Variants in GNL2 observed in about 807,000 individuals in gnomAD.
GNL2 encodes G protein nucleolar 2, also known as nucleolar GTP-binding protein 2.
GNL2 carries 51 observed loss-of-function variants against 92.3 expected under a neutral mutation model. The ratio of observed to expected loss-of-function variants is 0.55; its 90% confidence interval spans 0.44 to 0.70. GNL2 has a LOEUF of 0.70. Among genes scored for constraint, GNL2 ranks in the 30% least tolerant of loss-of-function variants. The pLI, the probability that GNL2 is intolerant of heterozygous loss-of-function variation, is 0.00. For missense variants in GNL2, 844 were observed against 895.6 expected (o/e 0.94, Z 0.74); for synonymous variants, 283 against 300.6 (o/e 0.94, Z 0.61).
intron 4 of GNL2, 88 bp from the exon 5 acceptor site, chr1:37,587,583 G>A: frequency 1.2e-6 from 1 of 832,358 alleles, no homozygotes; most frequent in Non-Finnish European, 1.9e-6. Flanking sequence ...AAGACTTTCT[G>A]ATTTTATTTT....
In GNL2 at chr1:37,582,879, T is replaced by A; in HGVS notation, c.694A>T (p.Thr232Ser). Reference sequence around the variant, plus strand: ...TAAGTTTCAATGTGAGGGGAACGAGTACCCATTGGATCTCTAGCATCAAGA... The same window carrying A: ...TAAGTTTCAATGTGAGGGGAACGAGAACCCATTGGATCTCTAGCATCAAGA... ...QVLDARDPMGTRSPHIETYLK... is the reference protein window; with the variant it reads ...QVLDARDPMGSRSPHIETYLK... The change falls in exon 7 of 16, where the codon ACT becomes TCT. Residue 232 changes from threonine (T) to serine (S), a missense_variant. Physicochemically the swap from Thr to Ser is moderately conservative, Grantham distance 58. Coordinates refer to ENST00000373062, the MANE Select transcript of GNL2 (RefSeq NM_013285.3). The A allele has an allele frequency of 3.1e-6, 5 of 1,611,484 alleles. No individual in the cohort carries two copies. In the South Asian group the frequency reaches 5.5e-5, roughly 18 times the overall value.
At chr1:37,581,655 G>A (rs1038397488) in intron 8 of GNL2, 2 of 375,370 alleles carry the variant, frequency 5.3e-6, no homozygotes, top group African/African-American at 2.1e-5. Context: ...TTACATCTCT[G>A]GAAGTTTTTA....
chr1:37,588,531 G>A (rs1643869979), intron 4 of GNL2, among the ~76,000 whole-genome samples: 1 of 152,054 alleles, frequency 6.6e-6, no homozygotes, highest in Admixed American at 6.6e-5. Context: ...TGGGAAATAG[G>A]GTCTAATGTC....
intron 8 of GNL2, among the ~76,000 whole-genome samples, chr1:37,578,784 T>A (rs1643718655): frequency 6.6e-6 from 1 of 152,138 alleles, no homozygotes; most frequent in Non-Finnish European, 1.5e-5. Flanking sequence ...CGTCTAGAAC[T>A]CCTGAGCTCA....
At position 37,595,761 on chromosome 1, in the gene GNL2, G is replaced by C; in HGVS notation, c.62C>G (p.Pro21Arg). 1.2e-6 allele frequency: 2 copies of C among 1,613,952 alleles called. No homozygotes were observed. Among genetic ancestry groups the C allele is most frequent in the Non-Finnish European group, 1.7e-6 (2 of 1,179,784 alleles). The change falls in exon 1 of 16, where the codon CCA becomes CGA. Residue 21 changes from proline (P) to arginine (R), a missense_variant and splice_region_variant. Pro to Arg is a moderately radical substitution (Grantham distance 103, BLOSUM62 -2). Coordinates refer to ENST00000373062, the MANE Select transcript of GNL2 (RefSeq NM_013285.3). ...TINPSKASTN[P>R]DRVQGAGGQN... is the part of the protein sequence containing the mutation. ...TCGATCAGCCCTGCCGCCTGTACCTGGGTTTGTGCTGGCCTTGGACGGGTT... is the reference window on the plus strand; with the variant it reads ...TCGATCAGCCCTGCCGCCTGTACCTCGGTTTGTGCTGGCCTTGGACGGGTT...
rs530177899 is a variant in GNL2 at position 37,568,605 on chromosome 1, T to C, written c.1868+246A>G. Among the ~76,000 whole-genome samples the C allele has an allele frequency of 4.6e-5, 7 of 152,332 alleles. 1 individual carries two copies. The Middle Eastern group carries it at 0.014, about 296-fold the overall frequency. ...TTTAAAAATGGCAATAACAGCCAAG[T>C]GTGGTGGTGCACACCTGTAGTCACA... is the stretch of plus-strand genomic sequence containing the variant. On this transcript the variant is annotated intron_variant, in intron 13 of 15. Coordinates refer to ENST00000373062, the MANE Select transcript of GNL2 (RefSeq NM_013285.3).
intron 8 of GNL2, among the ~76,000 whole-genome samples, chr1:37,579,974 A>AATAC (rs1164772281): frequency 6.6e-6 from 1 of 152,116 alleles, no homozygotes; most frequent in African/African-American, 2.4e-5. Context: ...TCTGAACAAG[A>AATAC]ATACAGACAA....
chr1:37,569,336 A>C (rs1643560143), intron 12 of GNL2, 34 bp from the exon 13 acceptor site: 2 of 1,396,162 alleles, frequency 1.4e-6, no homozygotes, highest in Non-Finnish European at 9.9e-7. Flanking sequence ...AAATAAATAG[A>C]ATCAGAAAAT....
chr1:37,579,753 G>C (rs1161459500), intron 8 of GNL2, among the ~76,000 whole-genome samples: 2 of 147,612 alleles, frequency 1.4e-5, no homozygotes, highest in African/African-American at 5.0e-5. Flanking sequence ...AAAATTAGCT[G>C]CGCGTTGTGG....
chr1:37,580,112 A>G (rs189622425), intron 8 of GNL2, among the ~76,000 whole-genome samples: 3 of 152,294 alleles, frequency 2.0e-5, no homozygotes, highest in Admixed American at 6.5e-5. Flanking sequence ...ATTTTAGAAC[A>G]AGAGAAATTT....
intron 8 of GNL2, chr1:37,581,465 G>GAAGCTGCAT (rs1340603717): frequency 2.2e-6 from 1 of 456,068 alleles, no homozygotes; most frequent in Admixed American, 2.3e-5. Context: ...AGAGGACATA[G>GAAGCTGCAT]AAGCTGCATG....
chr1:37,594,969 T>C (rs1269327580), intron 1 of GNL2, among the ~76,000 whole-genome samples: 2 of 152,224 alleles, frequency 1.3e-5, no homozygotes, highest in African/African-American at 4.8e-5. Context: ...ACTCACTAAC[T>C]GTTGCAATTA....
At chr1:37,579,286 G>A (rs1314683087) in intron 8 of GNL2, among the ~76,000 whole-genome samples, 2 of 152,172 alleles carry the variant, frequency 1.3e-5, no homozygotes, top group African/African-American at 2.4e-5. Flanking sequence ...AGTGGCTCAC[G>A]TCTGTAATCC....
In GNL2 at chr1:37,587,266, CAAAAAA is replaced by C. The variant is rs11420067; in HGVS notation, c.569+39_569+44del. 1.0e-5 allele frequency: 12 copies of C among 1,155,780 alleles called. No homozygotes were observed. The African/African-American group carries it at 1.5e-4, about 15-fold the overall frequency. The allele number at this position is 1,155,780 out of a possible 1,614,324, so 71.6% of individuals were successfully genotyped here. A position where few individuals can be genotyped will look rare whatever the true frequency, so the allele number is the denominator to read the frequency against. ...TGGGCGACAAAGCAAGACTCCATCTCAAAAAAAAAAAAACAAAAACAAAGAAGCAAA... is the reference window on the plus strand; with the variant it reads ...TGGGCGACAAAGCAAGACTCCATCTCAAAAAAACAAAAACAAAGAAGCAAA... On this transcript the variant is annotated intron_variant, in intron 5 of 15. Transcript: ENST00000373062.
chr1:37,594,467 C>T (rs1057455007), intron 1 of GNL2, among the ~76,000 whole-genome samples: 7 of 152,306 alleles, frequency 4.6e-5, no homozygotes, highest in Admixed American at 4.6e-4. Context: ...AAGAGAAGGA[C>T]AAACGAATAG....
chr1:37,582,340 G>A lies in GNL2; in HGVS notation c.796-4C>T. On this transcript the variant is annotated splice_region_variant and splice_polypyrimidine_tract_variant and intron_variant, in intron 7 of 15. Transcript: ENST00000373062. The stretch of plus-strand genomic sequence containing the variant: ...AGAGGACAGCAACCCACCGTTTCTA[G>A]AAGGAGAGATGAAAACATTTTGGTA... 1 of 1,589,814 alleles carries A rather than the reference G, an allele frequency of 6.3e-7. No individual in the cohort carries two copies.
chr1:37,593,882 T>C (rs1175523876), intron 1 of GNL2, 36 bp from the exon 2 acceptor site: 2 of 1,475,972 alleles, frequency 1.4e-6, no homozygotes, highest in Non-Finnish European at 1.9e-6. Context: ...CACTATTTGA[T>C]AACCAACCAG....
At chr1:37,570,705 A>T (rs1643581531) in intron 12 of GNL2, 1 of 152,140 alleles carries the variant, frequency 6.6e-6, no homozygotes, top group Non-Finnish European at 1.5e-5. Flanking sequence ...CATTATAATT[A>T]CCCAATCTGT....
intron 14 of GNL2, 94 bp downstream of exon 14, chr1:37,568,181 T>A: frequency 1.3e-6 from 1 of 749,664 alleles, no homozygotes; most frequent in East Asian, 2.6e-5. Flanking sequence ...AACATTTATG[T>A]GGATGACTGA....
Sources: gnomAD v4.1 joint callset for allele counts (sites outside exome capture counted in the v4.1 genomes callset) on GRCh38, gnomAD v4.1.1 for gene constraint, MANE v1.5 for transcripts, NCBI Gene and HGNC (gene_info 2026-07-23, HGNC 2026-07-21) for gene names.